The following TRPC5 variants were observed in gnomAD, a reference collection of about 807,000 sequenced individuals.
TRPC5 encodes transient receptor potential cation channel subfamily C member 5.
TRPC5 carries 9 observed loss-of-function variants against 56.5 expected under a neutral mutation model. The ratio of observed to expected loss-of-function variants is 0.16; its 90% CI spans 0.10 to 0.28. TRPC5 has a LOEUF of 0.28. TRPC5 is among the 10% of genes least tolerant of loss of function. The pLI is 1.00. For synonymous variants in TRPC5, 282 were observed against 278.5 expected (o/e 1.01, Z -0.13); for missense variants, 469 against 748.9 (o/e 0.63, Z 4.36).
chrX:111,901,927 G>A, intron 3 of TRPC5: 6 of 1,154,810 alleles, frequency 5.2e-6, no homozygotes, highest in Non-Finnish European at 6.9e-6. Flanking sequence ...TAGCTGATGA[G>A]CTTTTACAAT....
rs773252572 is a variant in TRPC5 at position 111,776,447 on chromosome X, A to G, written c.2788T>C (p.Ser930Pro). 1 of 1,211,458 alleles carries G rather than the reference A, an allele frequency of 8.3e-7. No individual in the cohort carries two copies. The highest frequency in any genetic ancestry group is 2.2e-5 in the Admixed American group (1 of 45,974). Residue 930 changes from serine (S) to proline (P), a missense_variant, in exon 11 of 11, where the codon TCC (serine) becomes CCC (proline). By Grantham distance (74) the Ser-to-Pro change is moderately conservative. Coordinates refer to ENST00000262839, the MANE Select transcript of TRPC5 (RefSeq NM_012471.3). The stretch of plus-strand genomic sequence containing the variant: ...TTAGAATTTGAGGAGCAGATGCTGG[A>G]TGCACAGTGAAGAGAGCTGGAACAG... ...LACSSSLHCA[S>P]SICSSNSKLL...
intron 1 of TRPC5, among the ~76,000 whole-genome samples, chrX:111,999,163 A>T (rs760853714): frequency 1.2e-4 from 13 of 110,447 alleles, no homozygotes; most frequent in Non-Finnish European, 1.9e-4. Flanking sequence ...CTCATTGTTC[A>T]ACTCCCACTT....
chrX:111,793,809 TCAACCAATAAATGGATGAACAAAATGTGG>T (rs1211614788), intron 7 of TRPC5, among the ~76,000 whole-genome samples: 16 of 112,215 alleles, frequency 1.4e-4, no homozygotes, highest in Admixed American at 1.0e-3. Context: ...CAAATGTCTA[TCAACCAATAAATGGATGAACAAAATGTGG>T]CACATTCATA....
chrX:112,039,141 A>G (rs1929830649), intron 1 of TRPC5, among the ~76,000 whole-genome samples: 3 of 111,634 alleles, frequency 2.7e-5, no homozygotes, highest in Admixed American at 9.5e-5. Flanking sequence ...GTGAAGGGTC[A>G]CGTTGTACAG....
chrX:112,022,174 G>T (rs1475674253), intron 1 of TRPC5, among the ~76,000 whole-genome samples: 1 of 112,129 alleles, frequency 8.9e-6, no homozygotes, highest in Non-Finnish European at 1.9e-5. Flanking sequence ...CTGTATTTAT[G>T]CAATAAGAAG....
At chrX:112,049,744 C>T (rs980317952) in intron 1 of TRPC5, among the ~76,000 whole-genome samples, 3 of 111,388 alleles carry the variant, frequency 2.7e-5, no homozygotes, top group African/African-American at 9.8e-5. Flanking sequence ...TTTGGTCCAA[C>T]AATTCATATC....
At chrX:111,840,439 T>C (rs976116662) in intron 6 of TRPC5, among the ~76,000 whole-genome samples, 1 of 112,472 alleles carries the variant, frequency 8.9e-6, no homozygotes, top group African/African-American at 3.2e-5. Context: ...TATTGTATTA[T>C]TTAGAGAATA....
rs774809387 is a variant in TRPC5 at position 111,775,579 on chromosome X, C to T, written c.*734G>A. 2 of 111,028 alleles carry T rather than the reference C, an allele frequency of 1.8e-5. No individual in the cohort carries two copies. Among genetic ancestry groups the T allele is most frequent in the South Asian group, 3.7e-4 (1 of 2,685 alleles). The allele number at this position is 111,028 out of a possible 1,213,427, so 9.1% of individuals were successfully genotyped here. On this transcript the variant is annotated 3_prime_UTR_variant, in exon 11 of 11. Coordinates refer to ENST00000262839, the MANE Select transcript of TRPC5 (RefSeq NM_012471.3). ...CAAATGTAGTAAGTTAACTGAAACA[C>T]ACAAACAGAAAAATAATTCGCCTAA...
intron 1 of TRPC5, among the ~76,000 whole-genome samples, chrX:112,029,053 C>T (rs916442746): frequency 8.9e-6 from 1 of 111,773 alleles, no homozygotes; most frequent in Non-Finnish European, 1.9e-5. Context: ...CTCTTGTCAC[C>T]CTGTTGTGCT....
chrX:111,884,991 A>G (rs1349782268), intron 3 of TRPC5, among the ~76,000 whole-genome samples: 1 of 112,704 alleles, frequency 8.9e-6, no homozygotes, highest in Admixed American at 9.4e-5. Context: ...CAGCCCAGTT[A>G]AGGCCTATCC....
chrX:112,027,359 G>A (rs1319550013), intron 1 of TRPC5, among the ~76,000 whole-genome samples: 1 of 111,938 alleles, frequency 8.9e-6, no homozygotes, highest in Non-Finnish European at 1.9e-5. Flanking sequence ...CAAAATACAT[G>A]GGCCAAAGTT....
chrX:111,813,999 T>C (rs1013274800), intron 7 of TRPC5, among the ~76,000 whole-genome samples: 8 of 112,497 alleles, frequency 7.1e-5, no homozygotes, highest in Non-Finnish European at 1.3e-4. Flanking sequence ...CAAAATCATA[T>C]GGGGCATTTG....
intron 1 of TRPC5, among the ~76,000 whole-genome samples, chrX:112,028,980 T>C (rs992178416): frequency 4.4e-5 from 5 of 112,769 alleles, no homozygotes; most frequent in Non-Finnish European, 9.4e-5. Flanking sequence ...TTGAATTTTC[T>C]GCTGACAAAA....
intron 2 of TRPC5, among the ~76,000 whole-genome samples, chrX:111,932,304 G>A (rs1411550505): frequency 9.0e-6 from 1 of 111,578 alleles, no homozygotes; most frequent in Non-Finnish European, 1.9e-5. Context: ...TGGTGCATGG[G>A]TATATGCATA....
chrX:111,943,484 T>C (rs1926836102), intron 2 of TRPC5, among the ~76,000 whole-genome samples: 2 of 112,054 alleles, frequency 1.8e-5, no homozygotes, highest in South Asian at 7.5e-4. Flanking sequence ...TAAACACTTA[T>C]CAGTGTTGTT....
At chrX:111,857,367 G>GA (rs1301943144) in intron 3 of TRPC5, among the ~76,000 whole-genome samples, 1 of 111,808 alleles carries the variant, frequency 8.9e-6, no homozygotes, top group Non-Finnish European at 1.9e-5. Context: ...GATGGATGGG[G>GA]AATGGAGTAA....
At chrX:111,956,355 T>C in intron 1 of TRPC5, among the ~76,000 whole-genome samples, 1 of 112,060 alleles carries the variant, frequency 8.9e-6, no homozygotes, top group East Asian at 2.8e-4. Context: ...CAGTTGTTTA[T>C]CTCTCCAGGG....
chrX:112,058,093 C>T (rs1199964517), intron 1 of TRPC5, among the ~76,000 whole-genome samples: 1 of 111,759 alleles, frequency 8.9e-6, no homozygotes, highest in Non-Finnish European at 1.9e-5. Context: ...TGATTGCAAA[C>T]TCTGTTTTCT....
At chrX:111,856,370 G>A (rs1484276020) in intron 3 of TRPC5, among the ~76,000 whole-genome samples, 2 of 108,679 alleles carry the variant, frequency 1.8e-5, no homozygotes, top group East Asian at 2.9e-4. Context: ...GGTGAAACCC[G>A]TCTCTACTAA....
Sources: allele counts gnomAD v4.1 joint callset (sites outside exome capture counted in the v4.1 genomes callset), GRCh38; gene constraint gnomAD v4.1.1; transcripts MANE v1.5; gene names NCBI Gene and HGNC (gene_info 2026-07-23, HGNC 2026-07-21).